The following N4BP2 variants were observed in gnomAD, a reference collection of about 807,000 sequenced individuals.
N4BP2 encodes NEDD4 binding protein 2, also known as NEDD4-binding protein 2.
Under a neutral mutation model 152.8 loss-of-function variants are expected in N4BP2, and 91 were observed. The observed-to-expected ratio is 0.60, with a 90% CI of 0.50 to 0.71. The LOEUF (loss-of-function observed/expected upper bound fraction) is 0.71, where lower values mean the gene tolerates loss of function less well. N4BP2 is among the 30% of genes least tolerant of loss of function. N4BP2 has a pLI of 0.00. For synonymous variants in N4BP2, 646 were observed against 705.3 expected, an observed-to-expected ratio of 0.92 and a Z score of 1.33; for missense variants, 1,923 against 2,059.1, an observed-to-expected ratio of 0.93 and a Z score of 1.28.
rs1168669161 is a variant in N4BP2, at chr4:40,120,731, A to G, written c.2620A>G (p.Ile874Val). ...CTATAAATATGATGCTTATAAAAAT[A>G]TTGACAAAAACTCATTCAACATTAT... ...NSYKYDAYKN[I>V]DKNSFNIMGD... The change falls in exon 9 of 18, where the codon ATT (isoleucine) becomes GTT (valine). Residue 874 changes from isoleucine (I) to valine (V), a missense_variant. Coordinates refer to ENST00000261435, the MANE Select transcript of N4BP2 (RefSeq NM_018177.6). 6.2e-7 allele frequency: 1 copy of G among 1,614,028 alleles called. No homozygotes were observed. Among genetic ancestry groups the G allele is most frequent in the Non-Finnish European group, 8.5e-7 (1 of 1,180,008 alleles).
intron 16 of N4BP2, among the ~76,000 whole-genome samples, chr4:40,151,515 ACCTTC>A (rs1437834121): frequency 6.6e-6 from 1 of 152,046 alleles, no homozygotes; most frequent in African/African-American, 2.4e-5. Flanking sequence ...CAAGTGGTCC[ACCTTC>A]CTTAGCCTCC....
chr4:40,169,852 C>T, the N4BP2 span, among the ~76,000 whole-genome samples: 1 of 151,058 alleles, frequency 6.6e-6, no homozygotes, highest in Non-Finnish European at 1.5e-5. Context: ...GTAATCTGAG[C>T]TACTCGGGAG....
In N4BP2 at chr4:40,120,752, AT is replaced by A; in HGVS notation, c.2643del (p.Met882TrpfsTer10). Reference protein sequence around the residue: ...YKNIDKNSFNIMGDWPSSDSL... With the variant: ...YKNIDKNSFNXMGDWPSSDSL... Reference sequence around the variant, plus strand: ...AAATATTGACAAAAACTCATTCAACATTATGGGTGACTGGCCTTCATCTGAT... The same window carrying A: ...AAATATTGACAAAAACTCATTCAACATATGGGTGACTGGCCTTCATCTGAT... On this transcript the variant is annotated frameshift_variant, in exon 9 of 18. Transcript: ENST00000261435. LOFTEE classifies it high-confidence loss of function. 2 of 1,614,164 alleles carry A rather than the reference AT, an allele frequency of 1.2e-6. No homozygotes were observed. Among genetic ancestry groups the A allele is most frequent in the Non-Finnish European group, 1.7e-6 (2 of 1,180,020 alleles).
chr4:40,158,942 T>C (rs944148216), downstream of N4BP2, among the ~76,000 whole-genome samples: 1 of 152,212 alleles, frequency 6.6e-6, no homozygotes, highest in Non-Finnish European at 1.5e-5. Flanking sequence ...GTAAATGCGA[T>C]AGAGCTTTTA....
chr4:40,158,282 G>T (rs942467370), downstream of N4BP2: 5 of 152,164 alleles, frequency 3.3e-5, no homozygotes, highest in African/African-American at 7.2e-5. Context: ...TTCATTTGAT[G>T]TATTAGAGTT....
At position 40,102,463 on chromosome 4, in the gene N4BP2, T is replaced by G. The variant is rs200879802; in HGVS notation, c.618T>G (p.Ser206=). Residue 206 remains serine, a synonymous_variant, in exon 4 of 18, where the codon TCT becomes TCG. Coordinates refer to ENST00000261435, the MANE Select transcript of N4BP2 (RefSeq NM_018177.6). ...TGAACGGTGAAAATTTAGAGAATTC[T>G]GGTTCTACTTTAAGTTTAAACCCAT... ...MNLNGENLEN[S]GSTLSLNPLP... The G allele has an allele frequency of 4.4e-5, 71 of 1,613,648 alleles. No individual in the cohort carries two copies. The African/African-American group carries it at 9.5e-4, about 22-fold the overall frequency.
chr4:40,151,979 GTT>G (rs1721192485), intron 16 of N4BP2, among the ~76,000 whole-genome samples: 2 of 152,194 alleles, frequency 1.3e-5, no homozygotes, highest in South Asian at 4.2e-4. Context: ...CTCATTAATA[GTT>G]TTTTTGTTGT....
intron 1 of N4BP2, among the ~76,000 whole-genome samples, chr4:40,070,173 T>G (rs1417959589): frequency 1.3e-5 from 2 of 152,230 alleles, no homozygotes; most frequent in Non-Finnish European, 2.9e-5. Context: ...TTTATCTACA[T>G]ATATAAATTT....
chr4:40,126,666 C>T (rs1718439124), intron 12 of N4BP2, among the ~76,000 whole-genome samples: 3 of 151,974 alleles, frequency 2.0e-5, no homozygotes, highest in South Asian at 2.1e-4. Flanking sequence ...ACTACAGTGG[C>T]GTGATCACAG....
At position 40,102,943 on chromosome 4, in the gene N4BP2, G is replaced by A. The variant is rs375815794; in HGVS notation, c.1098G>A (p.Met366Ile). ...CACCTCCACCGATGTGGAATCCAAT[G>A]ATTCCTGCTTTTGACCTCTTCCAAG... is the stretch of plus-strand genomic sequence containing the variant. ...PPPPPPMWNP[M>I]IPAFDLFQGN... is the part of the protein sequence containing the mutation. Residue 366 changes from methionine to isoleucine, a missense_variant, in exon 4 of 18, where the codon ATG (methionine) becomes ATA (isoleucine). Met to Ile is a conservative substitution (Grantham distance 10, BLOSUM62 1). Transcript: ENST00000261435. 10 of 1,614,070 alleles carry A rather than the reference G, an allele frequency of 6.2e-6. No individual in the cohort carries two copies. Among genetic ancestry groups the A allele is most frequent in the Non-Finnish European group, 7.6e-6 (9 of 1,180,052 alleles).
At chr4:40,088,222 A>T (rs1298521177) in intron 2 of N4BP2, among the ~76,000 whole-genome samples, 4 of 152,174 alleles carry the variant, frequency 2.6e-5, no homozygotes, top group Non-Finnish European at 1.5e-5. Context: ...GTTTTTGGTT[A>T]TTATGAATAA....
At position 40,157,748 on chromosome 4, in the gene N4BP2, T is replaced by C. The variant is rs1025476663; in HGVS notation, c.*3511T>C. ...AAGAAAACAGATTTAAATGTTTATG[T>C]GGCCAAAAGGTGTCATTTAAAAGGT... On this transcript the variant is annotated 3_prime_UTR_variant, in exon 18 of 18. Coordinates refer to ENST00000261435, the MANE Select transcript of N4BP2 (RefSeq NM_018177.6). 6.6e-6 allele frequency: 1 copy of C among 152,222 alleles called. No individual in the cohort carries two copies. The highest frequency in any genetic ancestry group is 1.5e-5 in the Non-Finnish European group (1 of 68,022). The allele number at this position is 152,222 out of a possible 1,614,324, so 9.4% of individuals were successfully genotyped here.
chr4:40,142,909 A>G, intron 15 of N4BP2, 48 bp downstream of exon 15: 1 of 1,500,508 alleles, frequency 6.7e-7, no homozygotes, highest in Non-Finnish European at 9.2e-7. Context: ...ATAATAACTA[A>G]ATACTCTTGA....
At chr4:40,131,125 A>G (rs535508973) in intron 12 of N4BP2, among the ~76,000 whole-genome samples, 1 of 152,130 alleles carries the variant, frequency 6.6e-6, no homozygotes, top group Non-Finnish European at 1.5e-5. Flanking sequence ...ATTGAGGAGA[A>G]TATGTTTTGA....
At chr4:40,124,871 A>C (rs1181414441) in intron 11 of N4BP2, among the ~76,000 whole-genome samples, 1 of 152,174 alleles carries the variant, frequency 6.6e-6, no homozygotes, top group African/African-American at 2.4e-5. Context: ...TTGAAATATT[A>C]CTTGGTTATT....
chr4:40,129,464 C>G (rs1718718499), intron 12 of N4BP2, among the ~76,000 whole-genome samples: 1 of 152,008 alleles, frequency 6.6e-6, no homozygotes, highest in African/African-American at 2.4e-5. Flanking sequence ...TGAGCTCAAG[C>G]AATTCACCTG....
intron 2 of N4BP2, among the ~76,000 whole-genome samples, chr4:40,096,381 T>C (rs935492074): frequency 8.7e-4 from 133 of 152,234 alleles, no homozygotes; most frequent in African/African-American, 3.1e-3. Flanking sequence ...GGAACCAAGG[T>C]GTAAAGGTTC....
intron 1 of N4BP2, among the ~76,000 whole-genome samples, chr4:40,068,106 G>A (rs1371281676): frequency 1.3e-5 from 2 of 152,188 alleles, no homozygotes; most frequent in Non-Finnish European, 2.9e-5. Context: ...TGTTGGCCAT[G>A]TGTATATCTT....
the N4BP2 span, among the ~76,000 whole-genome samples, chr4:40,168,737 T>G: frequency 3.7e-4 from 57 of 152,132 alleles, no homozygotes; most frequent in African/African-American, 1.3e-3. Flanking sequence ...TCTTCTTTTT[T>G]TTTTGAGATG....
Sources: gnomAD v4.1 joint callset for allele counts (sites outside exome capture counted in the v4.1 genomes callset) on GRCh38, gnomAD v4.1.1 for gene constraint, MANE v1.5 for transcripts, NCBI Gene and HGNC (gene_info 2026-07-23, HGNC 2026-07-21) for gene names.